CNOT6: variants seen among roughly 807,000 people sequenced by gnomAD.
The protein encoded by CNOT6 is carbon catabolite repression 4 protein.
Under a neutral mutation model 61.2 loss-of-function variants are expected in CNOT6, and 12 were observed. The ratio of observed to expected loss-of-function variants is 0.20; its 90% confidence interval spans 0.13 to 0.32. The LOEUF is 0.32. CNOT6 is among the 10% of genes least tolerant of loss of function. The pLI, the probability that CNOT6 is intolerant of heterozygous loss-of-function variation, is 1.00. For missense variants in CNOT6, 405 were observed against 663.9 expected (o/e 0.61, Z 4.28); for synonymous variants, 225 against 240.6 (o/e 0.94, Z 0.60).
intron 1 of CNOT6, among the ~76,000 whole-genome samples, chr5:180,509,226 G>A (rs2127700055): frequency 6.6e-6 from 1 of 152,238 alleles, no homozygotes; most frequent in East Asian, 1.9e-4. Context: ...CCGCCTCCTG[G>A]GCTCAAGCCG....
chr5:180,531,771 T>A (rs1185373901), intron 2 of CNOT6, among the ~76,000 whole-genome samples: 15 of 152,162 alleles, frequency 9.9e-5, no homozygotes, highest in Admixed American at 9.8e-4. Context: ...TCACTCGGGG[T>A]CAGGAGCTGG....
At chr5:180,527,733 G>C (rs1758166285) in intron 1 of CNOT6, among the ~76,000 whole-genome samples, 2 of 152,152 alleles carry the variant, frequency 1.3e-5, no homozygotes, top group Non-Finnish European at 2.9e-5. Flanking sequence ...TGATCATTGG[G>C]TTTAGGTCTT....
intron 2 of CNOT6, among the ~76,000 whole-genome samples, chr5:180,539,415 T>C (rs2127732297): frequency 6.6e-6 from 1 of 151,964 alleles, no homozygotes; most frequent in South Asian, 2.1e-4. Flanking sequence ...CTTTTCTTGC[T>C]TCTATCATTT....
At chr5:180,524,839 C>G (rs1202412551) in intron 1 of CNOT6, among the ~76,000 whole-genome samples, 1 of 152,204 alleles carries the variant, frequency 6.6e-6, no homozygotes, top group Non-Finnish European at 1.5e-5. Context: ...TTATTAAATT[C>G]TATCTGGGAA....
Position 180,533,830 on chromosome 5 carries a change from CCACCACTCA to C in CNOT6, c.112+4448_112+4456del, listed in dbSNP as rs1758530277. ...ATTATTTATTTATCCCTCCATAGAACCACCACTCACACCAAGGAGATTATTTGGAGTGGG... is the reference window on the plus strand; with the variant it reads ...ATTATTTATTTATCCCTCCATAGAACCACCAAGGAGATTATTTGGAGTGGG... On this transcript the variant is annotated intron_variant, in intron 2 of 11. Coordinates refer to ENST00000261951, the MANE Select transcript of CNOT6 (RefSeq NM_001370472.1). 2.6e-5 allele frequency among the ~76,000 whole-genome samples: 4 copies of C among 152,252 alleles called. No individual in the cohort carries two copies. In the South Asian group the frequency reaches 8.3e-4, roughly 32 times the overall value.
chr5:180,569,398 T>C (rs1221373117), intron 10 of CNOT6, 58 bp downstream of exon 10: 4 of 1,331,982 alleles, frequency 3.0e-6, no homozygotes, highest in African/African-American at 1.5e-5. Flanking sequence ...GATTTAGTAA[T>C]GTTTTGTTTC....
intron 1 of CNOT6, among the ~76,000 whole-genome samples, chr5:180,513,848 C>T (rs993514349): frequency 2.6e-5 from 4 of 151,838 alleles, no homozygotes; most frequent in Admixed American, 1.3e-4. Context: ...GGACTACAGG[C>T]GCCCGCCACC....
chr5:180,525,839 A>G (rs1758075931), intron 1 of CNOT6, among the ~76,000 whole-genome samples: 1 of 152,194 alleles, frequency 6.6e-6, no homozygotes, highest in Admixed American at 6.5e-5. Context: ...GATCATCTAT[A>G]TCAAATGCTG....
At chr5:180,547,479 C>T (rs78183295) in intron 2 of CNOT6, among the ~76,000 whole-genome samples, 34,723 of 151,752 alleles carry the variant, frequency 0.23, 4,811 homozygotes, top group East Asian at 0.49. Flanking sequence ...GAGATCGCGC[C>T]ACTGCATTCC....
At chr5:180,573,937 A>AT in intron 11 of CNOT6, 51 bp from the exon 12 acceptor site, 1 of 1,255,298 alleles carries the variant, frequency 8.0e-7, no homozygotes, top group Non-Finnish European at 1.2e-6. Context: ...AGCACTGAGG[A>AT]TTTTAGTGTT....
At chr5:180,557,864 T>TA (rs1759975737) in intron 4 of CNOT6, among the ~76,000 whole-genome samples, 2 of 152,294 alleles carry the variant, frequency 1.3e-5, no homozygotes, top group Non-Finnish European at 2.9e-5. Context: ...CATTTTGACT[T>TA]ACGATTGAGT....
At chr5:180,547,841 C>T (rs1005078110) in intron 2 of CNOT6, among the ~76,000 whole-genome samples, 1 of 152,098 alleles carries the variant, frequency 6.6e-6, no homozygotes, top group African/African-American at 2.4e-5. Flanking sequence ...TCAAGCGGTT[C>T]TCCTGCCTCA....
At chr5:180,540,059 C>T (rs990893873) in intron 2 of CNOT6, among the ~76,000 whole-genome samples, 20 of 151,770 alleles carry the variant, frequency 1.3e-4, no homozygotes, top group Non-Finnish European at 1.3e-4. Flanking sequence ...TATCTTTTTC[C>T]TTCATCTTTT....
chr5:180,572,583 C>T (rs149332772), intron 11 of CNOT6, among the ~76,000 whole-genome samples: 9 of 151,912 alleles, frequency 5.9e-5, no homozygotes, highest in African/African-American at 1.9e-4. Context: ...TGGTCTCACT[C>T]ATTTTGCCCA....
chr5:180,507,325 TGTG>T lies in CNOT6; in HGVS notation c.-3+12567_-3+12569del, dbSNP rs200865114. Among the ~76,000 whole-genome samples the T allele has an allele frequency of 6.1e-3, 934 of 152,234 alleles. 10 individuals are homozygous for T. Among genetic ancestry groups the T allele is most frequent in the African/African-American group, 0.022 (899 of 41,562 alleles). On this transcript the variant is annotated intron_variant, in intron 1 of 11. Transcript: ENST00000261951. ...ACAAGATATAGTTTTAGGGGCCCGG[TGTG>T]GTGGCTCACGCCTGTAATCCCAACA...
At chr5:180,520,560 T>A (rs990535307) in intron 1 of CNOT6, among the ~76,000 whole-genome samples, 1 of 151,946 alleles carries the variant, frequency 6.6e-6, no homozygotes, top group African/African-American at 2.4e-5. Flanking sequence ...GAGAATCGCT[T>A]GAACCAGGGA....
intron 2 of CNOT6, chr5:180,534,589 C>A (rs11249719): frequency 0.45 from 64,115 of 143,804 alleles, 15,396 homozygotes; most frequent in Non-Finnish European, 0.55. Flanking sequence ...CTTTTGGGTG[C>A]GCAAGAAGTT....
chr5:180,497,714 A>C (rs1005857679), intron 1 of CNOT6, among the ~76,000 whole-genome samples: 1 of 152,196 alleles, frequency 6.6e-6, no homozygotes, highest in East Asian at 1.9e-4. Context: ...TTTTATAACA[A>C]AAGTGTGATT....
At position 180,565,950 on chromosome 5, in the gene CNOT6, C is replaced by T. The variant is rs1160350343; in HGVS notation, c.690C>T (p.Ser230=). ...RKKAIIQEIL[S]CNADIVSLQE... is the part of the protein sequence containing the mutation. ...AGGCCATTATTCAAGAAATCTTGAG[C>T]TGCAATGCTGATATCGTAAGTCTTC... The change falls in exon 7 of 12, where the codon AGC becomes AGT. Residue 230 remains serine, a synonymous_variant. Transcript: ENST00000261951. 6.2e-7 allele frequency: 1 copy of T among 1,613,616 alleles called. No individual in the cohort carries two copies. The highest frequency in any genetic ancestry group is 1.3e-5 in the African/African-American group (1 of 74,894).
Sources: allele counts gnomAD v4.1 joint callset (sites outside exome capture counted in the v4.1 genomes callset), GRCh38; gene constraint gnomAD v4.1.1; transcripts MANE v1.5; gene names NCBI Gene and HGNC (gene_info 2026-07-23, HGNC 2026-07-21).